Variants in SORCS2 observed in about 807,000 individuals in gnomAD.
The protein encoded by SORCS2 is VPS10 domain-containing receptor SorCS2.
A neutral mutation model predicts 141.6 loss-of-function variants in SORCS2; 100 were observed. That is an observed-to-expected ratio of 0.71 (90% confidence interval 0.60 to 0.83). The LOEUF is 0.83. SORCS2 is among the 40% of genes least tolerant of loss of function. The probability of loss-of-function intolerance (pLI) is 0.00; values close to 1 mark genes in which losing one functional copy is unlikely to be tolerated. For missense variants in SORCS2, 1,646 were observed against 1,560.2 expected (o/e 1.05, Z -0.93); for synonymous variants, 789 against 676.9 (o/e 1.17, Z -2.57).
Position 7,218,034 on chromosome 4 carries a change from G to A in SORCS2, c.480+24908G>A, listed in dbSNP as rs147927859. Among the ~76,000 whole-genome samples, 6 of 152,226 alleles carry A rather than the reference G, an allele frequency of 3.9e-5. No individual in the cohort carries two copies. In the East Asian group the frequency reaches 9.7e-4, roughly 25 times the overall value. ...CGGGCTTCCCCAGGTATGCTGGCGG[G>A]GGGTGCTCTTCATGCATGTGCGTGA... On this transcript the variant is annotated intron_variant, in intron 1 of 26. Coordinates refer to ENST00000507866, the MANE Select transcript of SORCS2 (RefSeq NM_020777.3).
intron 2 of SORCS2, among the ~76,000 whole-genome samples, chr4:7,420,554 G>A (rs1225736851): frequency 1.3e-5 from 2 of 152,286 alleles, no homozygotes; most frequent in South Asian, 4.2e-4. Flanking sequence ...CAGACCTCAT[G>A]GGACTCAGGA....
At chr4:7,481,146 C>G (rs936433577) in intron 2 of SORCS2, among the ~76,000 whole-genome samples, 2 of 152,224 alleles carry the variant, frequency 1.3e-5, no homozygotes, top group Admixed American at 6.5e-5. Context: ...ATGGCATCCT[C>G]TTTACCCAGC....
rs150243861 is a variant in SORCS2, at chr4:7,265,561, C to G, written c.480+72435C>G. ...AAGGCTGCAGGGGTGGCTCCTGCCTCTCCCAGCCACTGATGGCTCCAGATG... is the reference window on the plus strand; with the variant it reads ...AAGGCTGCAGGGGTGGCTCCTGCCTGTCCCAGCCACTGATGGCTCCAGATG... On this transcript the variant is annotated intron_variant, in intron 1 of 26. Transcript: ENST00000507866. Among the ~76,000 whole-genome samples the G allele has an allele frequency of 3.6e-4, 55 of 152,294 alleles. 1 individual carries two copies. Among genetic ancestry groups the G allele is most frequent in the African/African-American group, 1.3e-3 (52 of 41,562 alleles).
chr4:7,398,334 C>T (rs534492823), intron 2 of SORCS2, among the ~76,000 whole-genome samples: 127 of 152,312 alleles, frequency 8.3e-4, no homozygotes, highest in Middle Eastern at 6.8e-3. Context: ...AGAGAGCCTC[C>T]GTCTCCATGT....
At chr4:7,421,752 C>T (rs1420477583) in intron 2 of SORCS2, among the ~76,000 whole-genome samples, 1 of 152,116 alleles carries the variant, frequency 6.6e-6, no homozygotes. Context: ...CACTGCGGCC[C>T]CTCTCTGGTC....
intron 2 of SORCS2, among the ~76,000 whole-genome samples, chr4:7,454,815 C>CTG (rs1728763509): frequency 8.8e-6 from 1 of 113,226 alleles, no homozygotes; most frequent in Non-Finnish European, 1.7e-5. Context: ...GGGTCAGGCA[C>CTG]TGTGTTGGGG....
At chr4:7,306,763 G>A (rs1352556793) in intron 1 of SORCS2, among the ~76,000 whole-genome samples, 3 of 152,158 alleles carry the variant, frequency 2.0e-5, no homozygotes, top group Admixed American at 6.5e-5. Context: ...GTGCAGAGTC[G>A]CCTGGAGGCT....
intron 1 of SORCS2, among the ~76,000 whole-genome samples, chr4:7,302,261 C>T (rs765226930): frequency 3.3e-5 from 5 of 152,222 alleles, no homozygotes; most frequent in East Asian, 3.8e-4. Flanking sequence ...AGGAGTCAGA[C>T]GCAGTGCCTG....
intron 3 of SORCS2, among the ~76,000 whole-genome samples, chr4:7,567,454 G>C (rs62277482): frequency 0.035 from 4,863 of 139,792 alleles, 114 homozygotes; most frequent in Non-Finnish European, 0.051. Context: ...TTTAAAGAAT[G>C]TTCCTCTGTT....
chr4:7,550,846 A>G (rs1404790792), intron 3 of SORCS2, among the ~76,000 whole-genome samples: 1 of 152,200 alleles, frequency 6.6e-6, no homozygotes, highest in Non-Finnish European at 1.5e-5. Flanking sequence ...AAAGTGTCCA[A>G]GTCTCTGAGC....
rs1329797614 is a variant in SORCS2, at chr4:7,522,189, C to T, written c.549-9341C>T. Among the ~76,000 whole-genome samples the T allele has an allele frequency of 4.6e-5, 7 of 152,268 alleles. No homozygotes were observed. In the South Asian group the frequency reaches 1.0e-3, roughly 23 times the overall value. On this transcript the variant is annotated intron_variant, in intron 2 of 26. Transcript: ENST00000507866. ...CTTTCACACCTGCGCGTGTGACTTC[C>T]GTGTTCGCAAGTGGGAGTGGGGCGA... is the stretch of plus-strand genomic sequence containing the variant.
In SORCS2 at chr4:7,670,267, G is replaced by A. The variant is rs559612413; in HGVS notation, c.1161+3054G>A. Among the ~76,000 whole-genome samples, 5 of 152,062 alleles carry A rather than the reference G, an allele frequency of 3.3e-5. No individual in the cohort carries two copies. The South Asian group carries it at 8.3e-4, about 25-fold the overall frequency. ...CTGTCTGTGAAAACTATAAAGGGTG[G>A]GCCGTTTTTATATTTGTCAATATCT... On this transcript the variant is annotated intron_variant, in intron 8 of 26. Coordinates refer to ENST00000507866, the MANE Select transcript of SORCS2 (RefSeq NM_020777.3).
chr4:7,479,097 G>T (rs753302718), intron 2 of SORCS2, among the ~76,000 whole-genome samples: 16 of 152,096 alleles, frequency 1.1e-4, no homozygotes, highest in Middle Eastern at 3.4e-3. Flanking sequence ...AAGGTTACAG[G>T]TTAGGATCAG....
chr4:7,347,687 G>A (rs536284380), intron 1 of SORCS2, among the ~76,000 whole-genome samples: 1 of 152,340 alleles, frequency 6.6e-6, no homozygotes, highest in African/African-American at 2.4e-5. Context: ...GATTTGTGTG[G>A]ACACTTTCCT....
At chr4:7,378,600 C>T (rs1238831871) in intron 1 of SORCS2, among the ~76,000 whole-genome samples, 1 of 152,168 alleles carries the variant, frequency 6.6e-6, no homozygotes, top group Non-Finnish European at 1.5e-5. Context: ...TCAATTATCT[C>T]CACCTGGTCC....
At chr4:7,260,610 A>T (rs977162420) in intron 1 of SORCS2, among the ~76,000 whole-genome samples, 9 of 152,198 alleles carry the variant, frequency 5.9e-5, no homozygotes, top group Admixed American at 3.9e-4. Context: ...GACATGCCAA[A>T]TATGGGAACG....
chr4:7,298,486 G>A (rs1717222507), intron 1 of SORCS2, among the ~76,000 whole-genome samples: 1 of 152,196 alleles, frequency 6.6e-6, no homozygotes, highest in African/African-American at 2.4e-5. Flanking sequence ...ATCGGTCAGC[G>A]ACCCAGGCAA....
At chr4:7,242,759 T>C (rs1712789538) in intron 1 of SORCS2, among the ~76,000 whole-genome samples, 2 of 152,212 alleles carry the variant, frequency 1.3e-5, no homozygotes, top group Non-Finnish European at 1.5e-5. Context: ...TGGCCATTAC[T>C]TCCCCCAGGA....
intron 3 of SORCS2, among the ~76,000 whole-genome samples, chr4:7,622,613 G>C (rs1229072171): frequency 6.6e-6 from 1 of 152,120 alleles, no homozygotes; most frequent in African/African-American, 2.4e-5. Context: ...GCCTGTGGGA[G>C]GGCGCCTGGC....
Sources: allele counts gnomAD v4.1 joint callset (sites outside exome capture counted in the v4.1 genomes callset), GRCh38; gene constraint gnomAD v4.1.1; transcripts MANE v1.5; gene names NCBI Gene and HGNC (gene_info 2026-07-23, HGNC 2026-07-21).